The following NR1D2 variants were observed in gnomAD, a reference collection of about 807,000 sequenced individuals.
NR1D2 encodes V-erbA-related protein 1-related.
NR1D2 carries 25 observed loss-of-function variants against 52.2 expected under a neutral mutation model. That is an observed-to-expected ratio of 0.48 (90% CI 0.35 to 0.67). NR1D2 has a LOEUF of 0.67. Among genes scored for constraint, NR1D2 ranks in the 30% least tolerant of loss-of-function variants. The pLI is 0.01. For missense variants in NR1D2, 681 were observed against 707.2 expected, an observed-to-expected ratio of 0.96 and a Z score of 0.42; for synonymous variants, 259 against 230.1, an observed-to-expected ratio of 1.13 and a Z score of -1.14.
intron 1 of NR1D2, chr3:23,946,345 T>A (rs891203523): frequency 3.1e-6 from 3 of 969,590 alleles, no homozygotes; most frequent in Middle Eastern, 5.3e-4. Flanking sequence ...GAGGAGGAAG[T>A]GCAGGACGAG....
At chr3:23,955,895 A>T (rs564595088) in intron 2 of NR1D2, 142 bp from the exon 3 acceptor site, 2 of 576,610 alleles carry the variant, frequency 3.5e-6, no homozygotes, top group African/African-American at 3.7e-5. Context: ...TTGATTTGAA[A>T]ATATTTTTCT....
chr3:23,965,310 G>T, intron 6 of NR1D2, 148 bp downstream of exon 6: 1 of 572,922 alleles, frequency 1.7e-6, no homozygotes, highest in East Asian at 3.2e-5. Context: ...CGCGATCATA[G>T]CTCACTGCAA....
chr3:23,970,005 C>A (rs1395044494), intron 7 of NR1D2, among the ~76,000 whole-genome samples: 1 of 152,042 alleles, frequency 6.6e-6, no homozygotes, highest in East Asian at 1.9e-4. Context: ...AGGGGAGCAC[C>A]AGGTTATGGA....
chr3:23,955,994 G>T, intron 2 of NR1D2, 43 bp from the exon 3 acceptor site: 1 of 1,366,030 alleles, frequency 7.3e-7, no homozygotes, highest in Non-Finnish European at 1.0e-6. Flanking sequence ...AACAGACTCG[G>T]TGTTTCCTCC....
chr3:23,953,383 A>G (rs1241653503), intron 1 of NR1D2, among the ~76,000 whole-genome samples: 1 of 150,010 alleles, frequency 6.7e-6, no homozygotes, highest in African/African-American at 2.5e-5. Flanking sequence ...GCCAGTTTTC[A>G]GAAGGGTTGT....
intron 3 of NR1D2, among the ~76,000 whole-genome samples, chr3:23,958,642 T>TAAA (rs35959367): frequency 2.8e-4 from 27 of 98,086 alleles, no homozygotes; most frequent in Admixed American, 7.1e-4. Context: ...CCTGTCTCTT[T>TAAA]AAAAAAAAAA....
chr3:23,954,573 C>T lies in NR1D2; in HGVS notation c.53C>T (p.Ala18Val), dbSNP rs1346281504. 1.2e-6 allele frequency: 2 copies of T among 1,614,076 alleles called. No individual in the cohort carries two copies. The highest frequency in any genetic ancestry group is 2.2e-5 in the South Asian group (2 of 91,074). The change falls in exon 2 of 8, where the codon GCC (alanine) becomes GTC (valine). Residue 18 changes from alanine (A) to valine (V), a missense_variant. Transcript: ENST00000312521. ...GCCTATATCAGTTCTTCCAGCTCAG[C>T]CTCAAGCCCTGCCTCTTGTCACAGT... ...VIAYISSSSS[A>V]SSPASCHSEG...
At chr3:23,948,287 A>G (rs946569017) in intron 1 of NR1D2, among the ~76,000 whole-genome samples, 16 of 152,246 alleles carry the variant, frequency 1.1e-4, no homozygotes, top group Non-Finnish European at 1.9e-4. Context: ...TGACATCTCT[A>G]TGTCTCCTCG....
At chr3:23,974,405 A>G (rs1706672821) in intron 7 of NR1D2, among the ~76,000 whole-genome samples, 1 of 152,028 alleles carries the variant, frequency 6.6e-6, no homozygotes, top group Admixed American at 6.6e-5. Context: ...GGCGATAGGA[A>G]TTTTTCAGCA....
chr3:23,974,690 T>C (rs957982572), intron 7 of NR1D2, among the ~76,000 whole-genome samples: 2 of 152,192 alleles, frequency 1.3e-5, no homozygotes, highest in African/African-American at 4.8e-5. Flanking sequence ...AAATCATTAC[T>C]GAAGGCTTTA....
intron 1 of NR1D2, among the ~76,000 whole-genome samples, chr3:23,945,929 AC>A (rs1488090595): frequency 1.2e-4 from 18 of 148,092 alleles, no homozygotes; most frequent in Non-Finnish European, 1.5e-5. Flanking sequence ...ACGCGGCATT[AC>A]ATAATGGGCG....
In NR1D2 at chr3:23,962,491, G is replaced by T; in HGVS notation, c.1032G>T (p.Met344Ile). The T allele has an allele frequency of 1.2e-6, 2 of 1,614,064 alleles. No individual in the cohort carries two copies. The highest frequency in any genetic ancestry group is 2.2e-5 in the South Asian group (2 of 91,022). The change falls in exon 5 of 8, where the codon ATG (methionine) becomes ATT (isoleucine). Residue 344 changes from methionine (M) to isoleucine (I), a missense_variant. By Grantham distance (10) the Met-to-Ile change is conservative. Transcript: ENST00000312521. ...TTTGTATTGCAAATGGACATTGTAT[G>T]AACTTCTCCAATGCTTATACTCAAA... ...HAICIANGHC[M>I]NFSNAYTQRV...
chr3:23,968,194 A>T (rs375721521), intron 7 of NR1D2, among the ~76,000 whole-genome samples, 171 bp downstream of exon 7: 1 of 152,358 alleles, frequency 6.6e-6, no homozygotes, highest in African/African-American at 2.4e-5. Flanking sequence ...TCGTTATAAC[A>T]ATATATGTCA....
chr3:23,948,799 T>G (rs1705847918), intron 1 of NR1D2, among the ~76,000 whole-genome samples: 1 of 152,240 alleles, frequency 6.6e-6, no homozygotes, highest in South Asian at 2.1e-4. Context: ...ATAATGTACT[T>G]TAGCCTGCAT....
At position 23,954,653 on chromosome 3, in the gene NR1D2, A is replaced by C. The variant is rs528383367; in HGVS notation, c.133A>C (p.Asn45His). 1 of 1,614,016 alleles carries C rather than the reference A, an allele frequency of 6.2e-7. No homozygotes were observed. The highest frequency in any genetic ancestry group is 1.3e-5 in the African/African-American group (1 of 74,906). ...CTCCTCTTCTGTTCCATCTTCTCCA[A>C]ATAGCTCTAATTCTGATACCAATGG... The part of the protein sequence containing the change: ...SSSSSVPSSP[N>H]SSNSDTNGNP... Residue 45 changes from asparagine (N) to histidine (H), a missense_variant, in exon 2 of 8, where the codon AAT becomes CAT. Transcript: ENST00000312521.
intron 1 of NR1D2, among the ~76,000 whole-genome samples, chr3:23,952,753 G>A (rs888324185): frequency 7.9e-5 from 12 of 151,110 alleles, no homozygotes; most frequent in Non-Finnish European, 1.5e-4. Flanking sequence ...CGTGTCTGAT[G>A]AAAAACATTG....
At chr3:23,968,207 G>A (rs902025625) in intron 7 of NR1D2, among the ~76,000 whole-genome samples, 184 bp downstream of exon 7, 1 of 152,204 alleles carries the variant, frequency 6.6e-6, no homozygotes, top group Non-Finnish European at 1.5e-5. Context: ...ATATGTCAAA[G>A]TACTATAGGA....
At chr3:23,960,110 A>G (rs922032678) in intron 4 of NR1D2, among the ~76,000 whole-genome samples, 1 of 152,170 alleles carries the variant, frequency 6.6e-6, no homozygotes, top group African/African-American at 2.4e-5. Flanking sequence ...AATGGAGTTT[A>G]AAAACATTTT....
rs1239093135 is a variant in NR1D2, at chr3:23,977,901, C to T, written c.*482C>T. The stretch of plus-strand genomic sequence containing the variant: ...ATCTCCATGTCTGTATTTACTCTAC[C>T]ACTGCTAAAGTGTGTGGTCCTGGGT... On this transcript the variant is annotated 3_prime_UTR_variant, in exon 8 of 8. Transcript: ENST00000312521. The T allele has an allele frequency of 6.6e-6, 1 of 152,250 alleles. No individual in the cohort carries two copies. The highest frequency in any genetic ancestry group is 1.5e-5 in the Non-Finnish European group (1 of 68,134). 9.4% of individuals were successfully genotyped at this position (152,250 alleles called of 1,614,324 possible).
Sources: gnomAD v4.1 joint callset for allele counts (sites outside exome capture counted in the v4.1 genomes callset) on GRCh38, gnomAD v4.1.1 for gene constraint, MANE v1.5 for transcripts, NCBI Gene and HGNC (gene_info 2026-07-23, HGNC 2026-07-21) for gene names.